PDGFRA: variants seen among roughly 807,000 people sequenced by gnomAD.
The protein encoded by PDGFRA is platelet-derived growth factor receptor alpha.
A neutral mutation model predicts 121.5 loss-of-function variants in PDGFRA; 25 were observed. That is an observed-to-expected ratio of 0.21 (90% CI 0.15 to 0.29). The LOEUF (loss-of-function observed/expected upper bound fraction) is 0.29, where lower values mean the gene tolerates loss of function less well. PDGFRA is among the 10% of genes least tolerant of loss of function. PDGFRA has a pLI of 1.00. For missense variants in PDGFRA, 1,008 were observed against 1,345.1 expected, an observed-to-expected ratio of 0.75 and a Z score of 3.92; for synonymous variants, 463 against 494.8, an observed-to-expected ratio of 0.94 and a Z score of 0.85.
chr4:54,243,595 T>G (rs1329771887), intron 1 of PDGFRA: 1 of 152,330 alleles, frequency 6.6e-6, no homozygotes, highest in Non-Finnish European at 1.5e-5. Flanking sequence ...CCAAGATGGC[T>G]GAATAGGAAC....
intron 17 of PDGFRA, 125 bp from the exon 18 acceptor site, chr4:54,285,716 A>G (rs1041020534): frequency 8.9e-5 from 93 of 1,046,210 alleles, no homozygotes; most frequent in East Asian, 3.8e-4. Context: ...ACCTGGGAGA[A>G]GGCCAGCCCT....
chr4:54,261,425 G>C lies in PDGFRA; in HGVS notation c.367+13G>C. 6.2e-7 allele frequency: 1 copy of C among 1,601,842 alleles called. No homozygotes were observed. Among genetic ancestry groups the C allele is most frequent in the Non-Finnish European group, 8.6e-7 (1 of 1,169,230 alleles). ...ATCTATGTGCCAGGTGAGTTGGCTG[G>C]GTCTCCAGGACCAAGCTTCTTCTCT... On this transcript the variant is annotated intron_variant, in intron 3 of 22. Coordinates refer to ENST00000257290, the MANE Select transcript of PDGFRA (RefSeq NM_006206.6).
At chr4:54,278,970 A>G (rs952260162) in intron 15 of PDGFRA, 2 of 406,878 alleles carry the variant, frequency 4.9e-6, no homozygotes, top group Non-Finnish European at 5.0e-6. Context: ...AGAACTCTGT[A>G]GGTAAGAAAT....
intron 16 of PDGFRA, 110 bp from the exon 17 acceptor site, chr4:54,285,261 T>G: frequency 1.4e-6 from 1 of 719,180 alleles, no homozygotes; most frequent in Non-Finnish European, 2.6e-6. Context: ...CTAAACATTC[T>G]ACAAAAAAAT....
chr4:54,257,233 TATGGTGGAA>T (rs368007479), intron 1 of PDGFRA, among the ~76,000 whole-genome samples: 227 of 152,278 alleles, frequency 1.5e-3, no homozygotes, highest in African/African-American at 5.1e-3. Context: ...AGTTACCCTA[TATGGTGGAA>T]AAAGGAAGGA....
At chr4:54,263,576 A>G in intron 3 of PDGFRA, 91 bp from the exon 4 acceptor site, 2 of 1,223,126 alleles carry the variant, frequency 1.6e-6, no homozygotes, top group Admixed American at 1.7e-5. Flanking sequence ...CATACCTAAT[A>G]TCAATAATGC....
At chr4:54,255,108 G>A (rs1275247149) in intron 1 of PDGFRA, among the ~76,000 whole-genome samples, 2 of 152,190 alleles carry the variant, frequency 1.3e-5, no homozygotes, top group African/African-American at 2.4e-5. Context: ...TCTGACACCA[G>A]CTGTGTGACC....
chr4:54,288,919 G>A (rs375772728), intron 20 of PDGFRA, 21 bp downstream of exon 20: 110 of 1,565,006 alleles, frequency 7.0e-5, no homozygotes, highest in Non-Finnish European at 4.8e-5. Context: ...TCCCCATCCC[G>A]GGGGCCTGTG....
At chr4:54,275,023 A>G (rs1248854390) in intron 12 of PDGFRA, 50 bp downstream of exon 12, 2 of 1,604,530 alleles carry the variant, frequency 1.2e-6, no homozygotes, top group South Asian at 1.1e-5. Context: ...CTTGCACACA[A>G]CTTTACAATT....
At chr4:54,238,386 A>G (rs927891635) in intron 1 of PDGFRA, among the ~76,000 whole-genome samples, 1 of 151,536 alleles carries the variant, frequency 6.6e-6, no homozygotes, top group Admixed American at 6.6e-5. Context: ...TTTCTCTCTC[A>G]CTCTTTCTTT....
chr4:54,260,447 A>G (rs1458796078), intron 2 of PDGFRA, among the ~76,000 whole-genome samples: 1 of 113,484 alleles, frequency 8.8e-6, no homozygotes, highest in Non-Finnish European at 1.6e-5. Context: ...CTCTCGCTCT[A>G]TTGCCCAGGT....
intron 22 of PDGFRA, among the ~76,000 whole-genome samples, chr4:54,291,826 C>T (rs561305029): frequency 8.9e-5 from 12 of 134,478 alleles, no homozygotes; most frequent in Non-Finnish European, 1.5e-4. Flanking sequence ...GACATGCATA[C>T]GTATGTTCAC....
At chr4:54,293,470 A>T (rs964989509) in intron 22 of PDGFRA, among the ~76,000 whole-genome samples, 2 of 129,402 alleles carry the variant, frequency 1.5e-5, no homozygotes, top group African/African-American at 5.8e-5. Flanking sequence ...TCGCTCTGTC[A>T]CCCAGGCTGG....
chr4:54,262,349 G>A (rs949336514), intron 3 of PDGFRA, among the ~76,000 whole-genome samples: 11 of 152,146 alleles, frequency 7.2e-5, no homozygotes, highest in South Asian at 4.1e-4. Flanking sequence ...TTACAGGCAC[G>A]AGCCACTGGG....
At chr4:54,243,201 C>T (rs766564970) in intron 1 of PDGFRA, among the ~76,000 whole-genome samples, 24 of 152,168 alleles carry the variant, frequency 1.6e-4, no homozygotes, top group African/African-American at 5.8e-4. Context: ...ACTGTCTGAT[C>T]GCATAGTGCA....
intron 1 of PDGFRA, among the ~76,000 whole-genome samples, chr4:54,236,473 G>C (rs1260866429): frequency 1.3e-5 from 2 of 152,204 alleles, no homozygotes; most frequent in Non-Finnish European, 1.5e-5. Flanking sequence ...TTATTCATGA[G>C]TAAACTGTCT....
rs376626935 is a variant in PDGFRA at position 54,267,638 on chromosome 4, C to T, written c.1018C>T (p.Arg340Trp). The stretch of plus-strand genomic sequence containing the variant: ...AGTCAAACATTTTGTTGTAGAGGTG[C>T]GGGCCTACCCACCTCCCAGGATATC... ...HEVKHFVVEVRAYPPPRISWL... is the reference protein window; with the variant it reads ...HEVKHFVVEVWAYPPPRISWL... The change falls in exon 7 of 23, where the codon CGG becomes TGG. Residue 340 changes from arginine to tryptophan, a missense_variant. Coordinates refer to ENST00000257290, the MANE Select transcript of PDGFRA (RefSeq NM_006206.6). 9.9e-6 allele frequency: 16 copies of T among 1,613,564 alleles called. No individual in the cohort carries two copies. Among genetic ancestry groups the T allele is most frequent in the East Asian group, 4.5e-5 (2 of 44,886 alleles).
At position 54,258,667 on chromosome 4, in the gene PDGFRA, A is replaced by G. The variant is rs9991421; in HGVS notation, c.-12-90A>G. On this transcript the variant is annotated intron_variant, in intron 1 of 22. Transcript: ENST00000257290. ...GTTTGACTAAAATGATGCTGTTAAT[A>G]TTTTCTGTTGTGCAAAACACAAAGA... The G allele has an allele frequency of 1.1e-3, 926 of 839,826 alleles. 7 individuals carry two copies. The African/African-American group carries it at 0.014, about 13-fold the overall frequency. 52.0% of individuals were successfully genotyped at this position (839,826 alleles called of 1,614,324 possible). A position where few individuals can be genotyped will look rare whatever the true frequency, so the allele number is the denominator to read the frequency against.
At chr4:54,290,217 T>C (rs1724554015) in intron 21 of PDGFRA, 96 bp from the exon 22 acceptor site, 12 of 1,001,026 alleles carry the variant, frequency 1.2e-5, no homozygotes, top group East Asian at 2.4e-5. Context: ...TTTGGAGATA[T>C]GTACAGTTAA....
Sources: gnomAD v4.1 joint callset for allele counts (sites outside exome capture counted in the v4.1 genomes callset) on GRCh38, gnomAD v4.1.1 for gene constraint, MANE v1.5 for transcripts, NCBI Gene and HGNC (gene_info 2026-07-23, HGNC 2026-07-21) for gene names.